Variants in NSG2 observed in about 807,000 individuals in gnomAD.
The protein encoded by NSG2 is neuronal vesicle trafficking-associated protein 2.
NSG2 carries 4 observed loss-of-function variants against 16.9 expected under a neutral mutation model. That is an observed-to-expected ratio of 0.24 (90% CI 0.12 to 0.54). NSG2 has a LOEUF of 0.54. NSG2 is among the 20% of genes least tolerant of loss of function. NSG2 has a pLI of 0.95. For missense variants in NSG2, 179 were observed against 221.1 expected (o/e 0.81, Z 1.21); for synonymous variants, 98 against 88.7 (o/e 1.11, Z -0.59).
chr5:174,069,304 G>T (rs1760196823), intron 3 of NSG2, among the ~76,000 whole-genome samples: 1 of 152,190 alleles, frequency 6.6e-6, no homozygotes, highest in South Asian at 2.1e-4. Context: ...GGGTACTGAG[G>T]CTCTGGAAGG....
At chr5:174,105,243 C>G (rs376230316) in intron 4 of NSG2, among the ~76,000 whole-genome samples, 1 of 152,110 alleles carries the variant, frequency 6.6e-6, no homozygotes, top group African/African-American at 2.4e-5. Context: ...GTGGGGAGAT[C>G]AAATAGGAAG....
At chr5:174,064,984 G>A (rs1482089680) in intron 3 of NSG2, among the ~76,000 whole-genome samples, 1 of 152,226 alleles carries the variant, frequency 6.6e-6, no homozygotes, top group African/African-American at 2.4e-5. Flanking sequence ...GCAGGAAGGA[G>A]GCTAGCCCCA....
At chr5:174,096,391 G>A (rs1370229484) in intron 3 of NSG2, among the ~76,000 whole-genome samples, 1 of 152,132 alleles carries the variant, frequency 6.6e-6, no homozygotes, top group Non-Finnish European at 1.5e-5. Flanking sequence ...TGAGGAGTGG[G>A]AACTGGCATT....
In NSG2 at chr5:174,051,022, C is replaced by T. The variant is rs148914297; in HGVS notation, c.129+4138C>T. Among the ~76,000 whole-genome samples, 542 of 152,292 alleles carry T rather than the reference C, an allele frequency of 3.6e-3. 3 individuals carry two copies. Among genetic ancestry groups the T allele is most frequent in the African/African-American group, 0.012 (515 of 41,556 alleles). ...CTTTCACCATCTGGCCTGCGCTGGC[C>T]TCCATTCCTTTCACTCCCACGTTGC... is the stretch of plus-strand genomic sequence containing the variant. On this transcript the variant is annotated intron_variant, in intron 2 of 4. Transcript: ENST00000303177.
chr5:174,074,628 T>C (rs1468534580), intron 3 of NSG2, among the ~76,000 whole-genome samples: 1 of 152,090 alleles, frequency 6.6e-6, no homozygotes, highest in Non-Finnish European at 1.5e-5. Context: ...TGCAGTGTGA[T>C]GTCCTTAGTA....
chr5:174,052,081 G>A (rs1759897996), intron 2 of NSG2, among the ~76,000 whole-genome samples: 1 of 152,204 alleles, frequency 6.6e-6, no homozygotes, highest in African/African-American at 2.4e-5. Flanking sequence ...CTAGGGACAA[G>A]GGACAGGTTC....
chr5:174,065,145 G>C (rs904650411), intron 3 of NSG2, among the ~76,000 whole-genome samples: 1 of 152,120 alleles, frequency 6.6e-6, no homozygotes, highest in Non-Finnish European at 1.5e-5. Flanking sequence ...TGGCTAACAC[G>C]GTGAAACCCC....
chr5:174,082,732 T>C (rs1470633679), intron 3 of NSG2: 1 of 152,278 alleles, frequency 6.6e-6, no homozygotes, highest in African/African-American at 2.4e-5. Context: ...CTCCTCGTTT[T>C]GGTATCTCCC....
chr5:174,061,909 C>CT (rs11426817), intron 2 of NSG2, among the ~76,000 whole-genome samples: 19,292 of 116,514 alleles, frequency 0.17, 2,157 homozygotes, highest in African/African-American at 0.32. Context: ...AGCCCCCAAA[C>CT]TTTTTTTTTT....
At chr5:174,083,650 A>G (rs757407531) in intron 3 of NSG2, among the ~76,000 whole-genome samples, 4 of 152,166 alleles carry the variant, frequency 2.6e-5, no homozygotes, top group Non-Finnish European at 5.9e-5. Context: ...TTAGGTCATA[A>G]TGAGCTGGTT....
chr5:174,076,461 A>G (rs752765576), intron 3 of NSG2, among the ~76,000 whole-genome samples: 9 of 152,240 alleles, frequency 5.9e-5, no homozygotes, highest in African/African-American at 1.4e-4. Flanking sequence ...AGAGAGAGAA[A>G]AAAAGCTAAA....
intron 3 of NSG2, among the ~76,000 whole-genome samples, chr5:174,080,525 T>TTCTTTC (rs1554101503): frequency 1.6e-5 from 2 of 125,248 alleles, no homozygotes; most frequent in Non-Finnish European, 3.3e-5. Context: ...CTTTCTTTCT[T>TTCTTTC]TCTCTCTCTC....
At chr5:174,098,597 G>A (rs985186502) in intron 3 of NSG2, among the ~76,000 whole-genome samples, 2 of 152,178 alleles carry the variant, frequency 1.3e-5, no homozygotes, top group African/African-American at 2.4e-5. Context: ...GGACCACCCC[G>A]TCAAAGGGCC....
intron 2 of NSG2, among the ~76,000 whole-genome samples, chr5:174,061,539 A>C (rs1760051024): frequency 6.6e-6 from 1 of 152,212 alleles, no homozygotes; most frequent in African/African-American, 2.4e-5. Context: ...GCTCTGTGGT[A>C]CACTTTGCAG....
intron 3 of NSG2, among the ~76,000 whole-genome samples, chr5:174,067,816 G>A (rs144683447): frequency 4.6e-5 from 7 of 152,198 alleles, no homozygotes; most frequent in African/African-American, 1.4e-4. Flanking sequence ...TTATGGAGGT[G>A]GAATTTACAG....
chr5:174,059,616 G>C (rs970943877), intron 2 of NSG2, among the ~76,000 whole-genome samples: 1 of 152,118 alleles, frequency 6.6e-6, no homozygotes, highest in African/African-American at 2.4e-5. Flanking sequence ...TTATATTAAG[G>C]CTCAAAGAGT....
chr5:174,075,378 A>G (rs1760321097), intron 3 of NSG2, among the ~76,000 whole-genome samples: 1 of 152,200 alleles, frequency 6.6e-6, no homozygotes, highest in Non-Finnish European at 1.5e-5. Context: ...TATCTATACC[A>G]TCTTCCAAAT....
At chr5:174,090,986 A>C (rs1252095469) in intron 3 of NSG2, among the ~76,000 whole-genome samples, 1 of 150,536 alleles carries the variant, frequency 6.6e-6, no homozygotes, top group Non-Finnish European at 1.5e-5. Context: ...AATTTTCCAA[A>C]CCAACTTTGC....
intron 3 of NSG2, among the ~76,000 whole-genome samples, chr5:174,098,219 A>G (rs1275303314): frequency 2.0e-4 from 31 of 152,168 alleles, no homozygotes; most frequent in Admixed American, 2.0e-3. Context: ...AGGAGCTGTC[A>G]GGGTGCTGGG....
Sources: gnomAD v4.1 joint callset for allele counts (sites outside exome capture counted in the v4.1 genomes callset) on GRCh38, gnomAD v4.1.1 for gene constraint, MANE v1.5 for transcripts, NCBI Gene and HGNC (gene_info 2026-07-23, HGNC 2026-07-21) for gene names.